TGFBRAP1: variants seen among roughly 807,000 people sequenced by gnomAD.
The protein encoded by TGFBRAP1 is transforming growth factor-beta receptor-associated protein 1.
Under a neutral mutation model 83.2 loss-of-function variants are expected in TGFBRAP1, and 20 were observed. The ratio of observed to expected loss-of-function variants is 0.24; its 90% CI spans 0.17 to 0.35. The LOEUF (loss-of-function observed/expected upper bound fraction) is 0.35, where lower values mean the gene tolerates loss of function less well. TGFBRAP1 is among the 10% of genes least tolerant of loss of function. TGFBRAP1 has a pLI of 1.00. For missense variants in TGFBRAP1, 950 were observed against 1,099.4 expected, an observed-to-expected ratio of 0.86 and a Z score of 1.92; for synonymous variants, 415 against 459.8, an observed-to-expected ratio of 0.90 and a Z score of 1.25.
At chr2:105,319,923 C>T (rs2104416266) in intron 1 of TGFBRAP1, among the ~76,000 whole-genome samples, 1 of 151,308 alleles carries the variant, frequency 6.6e-6, no homozygotes, top group Admixed American at 6.6e-5. Flanking sequence ...TACATACATA[C>T]ATGTTATATA....
At chr2:105,281,873 G>T (rs1031819143) in intron 5 of TGFBRAP1, among the ~76,000 whole-genome samples, 6 of 151,950 alleles carry the variant, frequency 3.9e-5, no homozygotes, top group Admixed American at 3.9e-4. Flanking sequence ...TATCATGACT[G>T]GGGCGGGGGT....
the TGFBRAP1 span, among the ~76,000 whole-genome samples, chr2:105,251,410 GC>G: frequency 6.6e-6 from 1 of 150,416 alleles, no homozygotes; most frequent in Non-Finnish European, 1.5e-5. Context: ...GAGCACCTCT[GC>G]CCTGCCGCCC....
intron 4 of TGFBRAP1, among the ~76,000 whole-genome samples, chr2:105,295,321 G>C (rs1223348242): frequency 6.6e-6 from 1 of 151,956 alleles, no homozygotes; most frequent in Non-Finnish European, 1.5e-5. Flanking sequence ...CCAATATTAA[G>C]AACTTTTTCA....
At chr2:105,254,175 T>C in the TGFBRAP1 span, among the ~76,000 whole-genome samples, 7 of 152,166 alleles carry the variant, frequency 4.6e-5, no homozygotes, top group Non-Finnish European at 8.8e-5. Context: ...AAAGTGGAAA[T>C]GGTGGTTTCT....
At chr2:105,254,319 C>A in the TGFBRAP1 span, among the ~76,000 whole-genome samples, 1 of 152,084 alleles carries the variant, frequency 6.6e-6, no homozygotes, top group Non-Finnish European at 1.5e-5. Flanking sequence ...ACCCCTGGCC[C>A]TCACAGGCAG....
At chr2:105,258,165 C>T in the TGFBRAP1 span, among the ~76,000 whole-genome samples, 2 of 152,336 alleles carry the variant, frequency 1.3e-5, no homozygotes, top group African/African-American at 2.4e-5. Flanking sequence ...TGCTGAGGCT[C>T]TGCCCCAGGA....
intron 4 of TGFBRAP1, among the ~76,000 whole-genome samples, chr2:105,292,416 C>T (rs1666928807): frequency 6.6e-6 from 1 of 152,108 alleles, no homozygotes; most frequent in Non-Finnish European, 1.5e-5. Flanking sequence ...ATGTTACTGG[C>T]TAATTTCAAA....
chr2:105,311,482 G>A (rs1230641718), intron 1 of TGFBRAP1, among the ~76,000 whole-genome samples: 1 of 152,170 alleles, frequency 6.6e-6, no homozygotes, highest in East Asian at 1.9e-4. Flanking sequence ...CTCCTCAGGA[G>A]GCTGAGGTAG....
chr2:105,277,808 C>G (rs1227354571), intron 6 of TGFBRAP1, 137 bp from the exon 7 acceptor site: 1 of 846,064 alleles, frequency 1.2e-6, no homozygotes, highest in South Asian at 1.5e-5. Context: ...AATCCCAACA[C>G]TTTGGAAGGC....
At chr2:105,300,111 G>A (rs1045594040) in intron 2 of TGFBRAP1, among the ~76,000 whole-genome samples, 5 of 152,216 alleles carry the variant, frequency 3.3e-5, no homozygotes, top group African/African-American at 1.2e-4. Flanking sequence ...GGAACCATGT[G>A]TGGTGAAGAG....
chr2:105,272,080 A>C (rs1211558594), intron 10 of TGFBRAP1, among the ~76,000 whole-genome samples: 2 of 152,210 alleles, frequency 1.3e-5, no homozygotes, highest in African/African-American at 4.8e-5. Flanking sequence ...TTGGTCAAAA[A>C]ATGGTATTAA....
intron 1 of TGFBRAP1, among the ~76,000 whole-genome samples, chr2:105,308,952 G>A (rs753474009): frequency 6.6e-6 from 1 of 152,154 alleles, no homozygotes; most frequent in African/African-American, 2.4e-5. Flanking sequence ...TAAGGCAGGC[G>A]CATCAGCCTC....
intron 1 of TGFBRAP1, among the ~76,000 whole-genome samples, chr2:105,315,368 C>T (rs1056624056): frequency 3.3e-5 from 5 of 152,148 alleles, no homozygotes; most frequent in Non-Finnish European, 7.3e-5. Context: ...AGGACCTACA[C>T]TAACTGATTT....
chr2:105,279,037 A>G (rs1472644019), intron 6 of TGFBRAP1, among the ~76,000 whole-genome samples: 3 of 152,046 alleles, frequency 2.0e-5, no homozygotes, highest in Admixed American at 6.5e-5. Context: ...TCAAATCCTT[A>G]ACGAAAATCA....
rs996727086 is a variant in TGFBRAP1 at position 105,280,794 on chromosome 2, T to C, written c.1122-71A>G. On this transcript the variant is annotated intron_variant, in intron 5 of 11. Coordinates refer to ENST00000393359, the MANE Select transcript of TGFBRAP1 (RefSeq NM_004257.6). Reference sequence around the variant, plus strand: ...TACACATAGGCACACAAAACAGCACTGGAGGGGAGCGCACGGTGGCACACG... The same window carrying C: ...TACACATAGGCACACAAAACAGCACCGGAGGGGAGCGCACGGTGGCACACG... 23 of 1,483,362 alleles carry C rather than the reference T, an allele frequency of 1.6e-5. No individual in the cohort carries two copies. The African/African-American group carries it at 2.4e-4, about 15-fold the overall frequency. The allele number at this position is 1,483,362 out of a possible 1,614,324, so 91.9% of individuals were successfully genotyped here. A position where few individuals can be genotyped will look rare whatever the true frequency, so the allele number is the denominator to read the frequency against.
chr2:105,316,466 C>CGCGCGT (rs1678872985), intron 1 of TGFBRAP1, among the ~76,000 whole-genome samples: 3 of 67,512 alleles, frequency 4.4e-5, no homozygotes, highest in African/African-American at 1.7e-4. Flanking sequence ...TGTGTGTGCG[C>CGCGCGT]GCGCGCGCGC....
chr2:105,291,589 C>T (rs1442401479), intron 4 of TGFBRAP1, among the ~76,000 whole-genome samples: 2 of 152,060 alleles, frequency 1.3e-5, no homozygotes, highest in Non-Finnish European at 2.9e-5. Context: ...ATTATTCGGC[C>T]TTAAAAAGGA....
chr2:105,301,770 C>T (rs1385277941), intron 2 of TGFBRAP1, among the ~76,000 whole-genome samples: 1 of 152,012 alleles, frequency 6.6e-6, no homozygotes, highest in Non-Finnish European at 1.5e-5. Context: ...GTGTGTTGCA[C>T]AGGCTGGAGT....
At chr2:105,317,169 T>C (rs1285297394) in intron 1 of TGFBRAP1, among the ~76,000 whole-genome samples, 1 of 151,560 alleles carries the variant, frequency 6.6e-6, no homozygotes, top group African/African-American at 2.4e-5. Flanking sequence ...CCAGGTATAG[T>C]GGCTCACGCC....
Sources: gnomAD v4.1 joint callset for allele counts (sites outside exome capture counted in the v4.1 genomes callset) on GRCh38, gnomAD v4.1.1 for gene constraint, MANE v1.5 for transcripts, NCBI Gene and HGNC (gene_info 2026-07-23, HGNC 2026-07-21) for gene names.